Variants in CCDC60 observed in about 807,000 individuals in gnomAD.
CCDC60 encodes coiled-coil domain-containing protein 60.
CCDC60 carries 54 observed loss-of-function variants against 63.5 expected under a neutral mutation model. The ratio of observed to expected loss-of-function variants is 0.85; its 90% confidence interval spans 0.68 to 1.07. The LOEUF (loss-of-function observed/expected upper bound fraction) is 1.07. Among genes scored for constraint, CCDC60 ranks in the 50% least tolerant of loss-of-function variants. The pLI is 0.00. For missense variants in CCDC60, 651 were observed against 684.3 expected, an observed-to-expected ratio of 0.95 and a Z score of 0.54; for synonymous variants, 206 against 238.8, an observed-to-expected ratio of 0.86 and a Z score of 1.27.
At chr12:119,474,849 G>GA (rs965425505) in intron 3 of CCDC60, among the ~76,000 whole-genome samples, 2 of 151,328 alleles carry the variant, frequency 1.3e-5, no homozygotes, top group South Asian at 2.1e-4. Context: ...TCTCTTTAAG[G>GA]AAAAAAAAGA....
chr12:119,388,865 A>G (rs1462660816), intron 1 of CCDC60, among the ~76,000 whole-genome samples: 1 of 150,122 alleles, frequency 6.7e-6, no homozygotes, highest in East Asian at 2.0e-4. Flanking sequence ...TCCTAGACAG[A>G]TGTTAAAATG....
At chr12:119,453,076 C>G (rs747504781) in intron 2 of CCDC60, among the ~76,000 whole-genome samples, 12 of 152,188 alleles carry the variant, frequency 7.9e-5, no homozygotes, top group Non-Finnish European at 1.3e-4. Context: ...ATCTGCCCAC[C>G]TCAGCCTCCC....
At chr12:119,465,479 C>T (rs887802817) in intron 2 of CCDC60, among the ~76,000 whole-genome samples, 2 of 151,900 alleles carry the variant, frequency 1.3e-5, no homozygotes, top group Admixed American at 6.6e-5. Flanking sequence ...TAAAGCAGAC[C>T]GGGCGAGGTG....
intron 1 of CCDC60, among the ~76,000 whole-genome samples, chr12:119,354,088 C>T (rs1460503013): frequency 6.6e-6 from 1 of 151,336 alleles, no homozygotes; most frequent in Non-Finnish European, 1.5e-5. Flanking sequence ...CGTCTCTCTC[C>T]TACCTCTTTC....
Position 119,531,011 on chromosome 12 carries a change from A to T in CCDC60, c.1499A>T (p.Gln500Leu), listed in dbSNP as rs752363856. 4.3e-6 allele frequency: 7 copies of T among 1,614,040 alleles called. No individual in the cohort carries two copies. The highest frequency in any genetic ancestry group is 3.3e-5 in the Admixed American group (2 of 60,004). Residue 500 changes from glutamine (Q) to leucine (L), a missense_variant, in exon 13 of 14, where the codon CAG becomes CTG. Physicochemically the swap from Gln to Leu is moderately radical, Grantham distance 113. Transcript: ENST00000327554. ...CCCCATGTCCTCCTGAAGGTGCTGC[A>T]GGATCTGAGGATTTGGGAACTGTGC... ...IRPHVLLKVL[Q>L]DLRIWELCSP... is the part of the protein sequence containing the mutation.
In CCDC60 at chr12:119,418,406, T is replaced by C. The variant is rs1339344787; in HGVS notation, c.91-10277T>C. ...TCTTTCTTTTTTTTTTTTTTTTTTT[T>C]TTTTTTTTTTTTTTTTTTTTTTTTT... On this transcript the variant is annotated intron_variant, in intron 1 of 13. Transcript: ENST00000327554. Among the ~76,000 whole-genome samples, 84 of 24,636 alleles carry C rather than the reference T, an allele frequency of 3.4e-3. 4 individuals are homozygous for C. The highest frequency in any genetic ancestry group is 9.6e-3 in the Admixed American group (18 of 1,872). The allele number at this position is 24,636 out of a possible 152,430, so 16.2% of individuals were successfully genotyped here.
intron 2 of CCDC60, among the ~76,000 whole-genome samples, chr12:119,453,557 G>A (rs1950672725): frequency 6.6e-6 from 1 of 152,106 alleles, no homozygotes. Context: ...TACTTCATAA[G>A]GCAATTTACT....
chr12:119,517,273 T>A (rs1024363196), intron 8 of CCDC60, among the ~76,000 whole-genome samples: 4 of 152,184 alleles, frequency 2.6e-5, no homozygotes, highest in Non-Finnish European at 4.4e-5. Flanking sequence ...GGATTACAGA[T>A]GTGAATCACC....
intron 2 of CCDC60, among the ~76,000 whole-genome samples, chr12:119,443,694 C>T (rs1266946353): frequency 6.6e-6 from 1 of 152,142 alleles, no homozygotes; most frequent in Admixed American, 6.5e-5. Flanking sequence ...AAAACAAAAA[C>T]TGTCTTTAAA....
chr12:119,528,524 AG>A (rs1464267811), intron 11 of CCDC60, 90 bp from the exon 12 acceptor site: 1 of 1,376,460 alleles, frequency 7.3e-7, no homozygotes, highest in African/African-American at 1.5e-5. Context: ...ATGAAGGAAA[AG>A]GTGTTTAAGT....
chr12:119,523,766 G>A lies in CCDC60; in HGVS notation c.1177G>A (p.Val393Ile), dbSNP rs16949292. 3.0e-3 allele frequency: 4,923 copies of A among 1,614,146 alleles called. 113 individuals are homozygous for A. In the African/African-American group the frequency reaches 0.056, roughly 18 times the overall value. ...CNTMRAKFYS[V>I]AQEAGFCLQD... ...CACCATGAGGGCCAAGTTTTACAGC[G>A]TAGCCCAGGAGGCTGGCTTCTGCCT... The change falls in exon 11 of 14, where the codon GTA becomes ATA. Residue 393 changes from valine (V) to isoleucine (I), a missense_variant. Physicochemically the swap from Val to Ile is conservative, Grantham distance 29. Coordinates refer to ENST00000327554, the MANE Select transcript of CCDC60 (RefSeq NM_178499.5).
intron 2 of CCDC60, among the ~76,000 whole-genome samples, chr12:119,445,390 C>T (rs953965654): frequency 5.9e-5 from 8 of 136,320 alleles, no homozygotes; most frequent in Non-Finnish European, 9.2e-5. Context: ...GCCGGGATCA[C>T]ACCACTGCAC....
chr12:119,441,035 T>C (rs565900460), intron 2 of CCDC60, among the ~76,000 whole-genome samples: 160 of 152,216 alleles, frequency 1.1e-3, no homozygotes, highest in Non-Finnish European at 1.9e-3. Context: ...AATATGATCA[T>C]GATCTCATTA....
chr12:119,506,613 A>C (rs995819411), intron 7 of CCDC60, among the ~76,000 whole-genome samples: 19 of 152,042 alleles, frequency 1.2e-4, no homozygotes, highest in Admixed American at 3.3e-4. Flanking sequence ...CCCTGTCTCA[A>C]AAAGAGAAAA....
intron 2 of CCDC60, among the ~76,000 whole-genome samples, chr12:119,447,602 T>C (rs980509881): frequency 3.9e-5 from 6 of 152,204 alleles, no homozygotes; most frequent in African/African-American, 1.2e-4. Context: ...TCCCATTCCA[T>C]TTAGTCATTA....
intron 1 of CCDC60, among the ~76,000 whole-genome samples, chr12:119,377,454 C>T (rs1397808986): frequency 6.6e-6 from 1 of 152,040 alleles, no homozygotes; most frequent in Non-Finnish European, 1.5e-5. Flanking sequence ...CAAGTAATAA[C>T]ATCACTACAT....
At chr12:119,513,932 T>C (rs577018693) in intron 7 of CCDC60, among the ~76,000 whole-genome samples, 1 of 152,330 alleles carries the variant, frequency 6.6e-6, no homozygotes, top group Admixed American at 6.5e-5. Context: ...TTTTAGAGTG[T>C]ATTCCTTCTA....
In CCDC60 at chr12:119,516,780, A is replaced by G. The variant is rs1952366750; in HGVS notation, c.968+73A>G. ...ATCACATTAACAGTAGTAGTTGCCA[A>G]CTGTTGAGCATTTTCTCTGTGACAG... is the stretch of plus-strand genomic sequence containing the variant. On this transcript the variant is annotated intron_variant, in intron 8 of 13. Coordinates refer to ENST00000327554, the MANE Select transcript of CCDC60 (RefSeq NM_178499.5). 6.1e-6 allele frequency: 6 copies of G among 986,318 alleles called. No homozygotes were observed. The South Asian group carries it at 7.4e-5, about 12-fold the overall frequency. The allele number at this position is 986,318 out of a possible 1,614,324, so 61.1% of individuals were successfully genotyped here. A position where few individuals can be genotyped will look rare whatever the true frequency, so the allele number is the denominator to read the frequency against.
chr12:119,385,242 A>C (rs933173000), intron 1 of CCDC60, among the ~76,000 whole-genome samples: 1 of 151,916 alleles, frequency 6.6e-6, no homozygotes, highest in African/African-American at 2.4e-5. Flanking sequence ...CAACTTAATG[A>C]CCTCCCTTGC....
Sources: allele counts gnomAD v4.1 joint callset (sites outside exome capture counted in the v4.1 genomes callset), GRCh38; gene constraint gnomAD v4.1.1; transcripts MANE v1.5; gene names NCBI Gene and HGNC (gene_info 2026-07-23, HGNC 2026-07-21).